The following TIAM1 variants were observed in gnomAD, a reference collection of about 807,000 sequenced individuals.
TIAM1 encodes TIAM Rac1 associated GEF 1.
Under a neutral mutation model 163.5 loss-of-function variants are expected in TIAM1, and 65 were observed. That is an observed-to-expected ratio of 0.40 (90% confidence interval 0.33 to 0.49). The LOEUF (loss-of-function observed/expected upper bound fraction) is 0.49. Among genes scored for constraint, TIAM1 ranks in the 20% least tolerant of loss-of-function variants. TIAM1 has a pLI of 0.77. For synonymous variants in TIAM1, 833 were observed against 810.1 expected (o/e 1.03, Z -0.48); for missense variants, 1,789 against 2,044.7 (o/e 0.87, Z 2.41).
intron 2 of TIAM1, among the ~76,000 whole-genome samples, chr21:31,372,296 C>A (rs2076608866): frequency 6.6e-6 from 1 of 152,152 alleles, no homozygotes; most frequent in Admixed American, 6.5e-5. Flanking sequence ...TTCTGGGCAT[C>A]AAAAACTGGG....
At chr21:31,241,613 A>C (rs150365428) in intron 6 of TIAM1, among the ~76,000 whole-genome samples, 91 of 152,270 alleles carry the variant, frequency 6.0e-4, no homozygotes, top group African/African-American at 1.9e-3. Flanking sequence ...ATCCTGGAGG[A>C]TGGGAGGTGG....
At chr21:31,259,620 A>T (rs1302248259) in intron 4 of TIAM1, among the ~76,000 whole-genome samples, 2 of 124,298 alleles carry the variant, frequency 1.6e-5, no homozygotes, top group Admixed American at 8.4e-5. Context: ...AGACCTGTCT[A>T]AAAAAATAAA....
intron 12 of TIAM1, among the ~76,000 whole-genome samples, chr21:31,199,231 C>T (rs1374187662): frequency 6.6e-6 from 1 of 152,186 alleles, no homozygotes; most frequent in Non-Finnish European, 1.5e-5. Flanking sequence ...CACGCTCTTG[C>T]CTGACGATGA....
chr21:31,207,282 T>C (rs1333970727), intron 11 of TIAM1, among the ~76,000 whole-genome samples: 2 of 152,210 alleles, frequency 1.3e-5, no homozygotes, highest in Admixed American at 1.3e-4. Flanking sequence ...ACATTTACTA[T>C]ACCAGAACTT....
chr21:31,242,236 C>G (rs2071220180), intron 6 of TIAM1, among the ~76,000 whole-genome samples: 1 of 152,046 alleles, frequency 6.6e-6, no homozygotes, highest in African/African-American at 2.4e-5. Flanking sequence ...TTGAAAGAAC[C>G]AGGCCAGGCA....
chr21:31,347,928 A>T (rs1160830525), upstream of TIAM1, among the ~76,000 whole-genome samples: 2 of 152,370 alleles, frequency 1.3e-5, no homozygotes, highest in South Asian at 2.1e-4. Context: ...TACATAAAAA[A>T]TAAATTCATG....
chr21:31,163,587 G>T (rs1429963115), intron 16 of TIAM1, among the ~76,000 whole-genome samples: 1 of 152,142 alleles, frequency 6.6e-6, no homozygotes, highest in East Asian at 1.9e-4. Context: ...ATGGATAAAA[G>T]ATACTGAAGA....
intron 1 of TIAM1, among the ~76,000 whole-genome samples, chr21:31,489,636 A>C (rs1040590042): frequency 6.6e-6 from 1 of 151,730 alleles, no homozygotes. Flanking sequence ...TACCTCTACA[A>C]CCATGACCTT....
chr21:31,334,481 C>A (rs958584140), intron 2 of TIAM1, among the ~76,000 whole-genome samples: 5 of 152,144 alleles, frequency 3.3e-5, no homozygotes, highest in African/African-American at 7.2e-5. Context: ...GTCCTCATTA[C>A]ACATATTGAT....
upstream of TIAM1, among the ~76,000 whole-genome samples, chr21:31,344,864 CT>C (rs1352947431): frequency 6.6e-6 from 1 of 152,214 alleles, no homozygotes; most frequent in African/African-American, 2.4e-5. Context: ...CTCTTCCTCG[CT>C]GAAATACATC....
At chr21:31,237,578 T>TGGCA (rs2070958822) in intron 6 of TIAM1, among the ~76,000 whole-genome samples, 1 of 152,236 alleles carries the variant, frequency 6.6e-6, no homozygotes, top group Non-Finnish European at 1.5e-5. Flanking sequence ...CTCAACTTAA[T>TGGCA]GGCATATGAG....
intron 1 of TIAM1, among the ~76,000 whole-genome samples, chr21:31,503,614 G>GGGAGAGGAGTGGAAGGGAGGGGAGAGGA (rs1569393743): frequency 2.3e-4 from 1 of 4,290 alleles, no homozygotes; most frequent in African/African-American, 8.9e-4. Flanking sequence ...GGGAGGGGAG[G>GGGAGAGGAGTGGAAGGGAGGGGAGAGGA]GACCTGAAAT....
chr21:31,359,166 GC>G (rs1315218455), intron 2 of TIAM1, among the ~76,000 whole-genome samples: 1 of 151,714 alleles, frequency 6.6e-6, no homozygotes, highest in African/African-American at 2.4e-5. Flanking sequence ...GGTCTACTTT[GC>G]TTTTTTAAAA....
chr21:31,393,697 G>T (rs2147200907), intron 2 of TIAM1, among the ~76,000 whole-genome samples: 1 of 152,298 alleles, frequency 6.6e-6, no homozygotes, highest in East Asian at 1.9e-4. Context: ...TTCTAAAGCT[G>T]AGAGTGTCTG....
chr21:31,339,194 T>C, intron 2 of TIAM1, 49 bp downstream of exon 2: 1 of 396,888 alleles, frequency 2.5e-6, no homozygotes, highest in Non-Finnish European at 4.4e-6. Context: ...ATAAAGACTT[T>C]AAAAGCTTCA....
At chr21:31,323,984 G>A (rs529792965) in intron 2 of TIAM1, among the ~76,000 whole-genome samples, 15 of 151,226 alleles carry the variant, frequency 9.9e-5, no homozygotes, top group Non-Finnish European at 1.8e-4. Flanking sequence ...TTCCAGCCTG[G>A]GCAACGGAGC....
At chr21:31,387,195 CTTTTTTTTTTT>C (rs60592178) in intron 2 of TIAM1, among the ~76,000 whole-genome samples, 14 of 75,162 alleles carry the variant, frequency 1.9e-4, no homozygotes, top group East Asian at 6.4e-4. Context: ...AGCTTATTCT[CTTTTTTTTTTT>C]TTTTTTTTTT....
chr21:31,184,313 C>G (rs779433853), intron 14 of TIAM1, among the ~76,000 whole-genome samples: 1 of 152,194 alleles, frequency 6.6e-6, no homozygotes, highest in South Asian at 2.1e-4. Flanking sequence ...ACCATGTTAG[C>G]CAGGCTGGTC....
intron 1 of TIAM1, among the ~76,000 whole-genome samples, chr21:31,532,924 C>A (rs2048016891): frequency 6.6e-6 from 1 of 152,074 alleles, no homozygotes; most frequent in African/African-American, 2.4e-5. Flanking sequence ...CCAGCCTGGG[C>A]AACAAAGAGA....
Sources: allele counts gnomAD v4.1 joint callset (sites outside exome capture counted in the v4.1 genomes callset), GRCh38; gene constraint gnomAD v4.1.1; transcripts MANE v1.5; gene names NCBI Gene and HGNC (gene_info 2026-07-23, HGNC 2026-07-21).